The following INPP5B variants were observed in gnomAD, a reference collection of about 807,000 sequenced individuals.
INPP5B encodes the protein inositol polyphosphate-5-phosphatase B, also known as type II inositol 1,4,5-trisphosphate 5-phosphatase.
In INPP5B, 90 loss-of-function variants were observed where a neutral mutation model predicts 118.5. The ratio of observed to expected loss-of-function variants is 0.76; its 90% confidence interval spans 0.64 to 0.90. The LOEUF is 0.90. INPP5B is among the 40% of genes least tolerant of loss of function. The pLI is 0.00. For synonymous variants in INPP5B, 385 were observed against 418.9 expected, an observed-to-expected ratio of 0.92 and a Z score of 0.99; for missense variants, 984 against 1,125.6, an observed-to-expected ratio of 0.87 and a Z score of 1.80.
rs1427344681 is a variant in INPP5B at position 37,941,958 on chromosome 1, A to AAAT, written c.281-1161_281-1160insATT. On this transcript the variant is annotated intron_variant, in intron 5 of 23. Transcript: ENST00000373024. The stretch of plus-strand genomic sequence containing the variant: ...GTCTCAAAAAAAAAAAAAAAAAAAA[A>AAAT]ATATATATATATATATAAAATAAAA... 3.3e-4 allele frequency: 10 copies of AAAT among 30,384 alleles called. 1 individual carries two copies. The highest frequency in any genetic ancestry group is 1.4e-3 in the African/African-American group (9 of 6,646). The allele number at this position is 30,384 out of a possible 1,614,324, so 1.9% of individuals were successfully genotyped here. A position where few individuals can be genotyped will look rare whatever the true frequency, so the allele number is the denominator to read the frequency against.
At chr1:37,897,741 GATAATA>G (rs919279754) in intron 7 of INPP5B, among the ~76,000 whole-genome samples, 5 of 149,676 alleles carry the variant, frequency 3.3e-5, no homozygotes, top group Non-Finnish European at 7.4e-5. Context: ...TAAAAATAAT[GATAATA>G]ATAATAATAA....
intron 7 of INPP5B, among the ~76,000 whole-genome samples, chr1:37,925,376 C>G (rs957861090): frequency 6.6e-6 from 1 of 151,998 alleles, no homozygotes; most frequent in Non-Finnish European, 1.5e-5. Context: ...GTATGGATCA[C>G]CAATAACAAA....
rs375752081 is a variant in INPP5B, at chr1:37,878,343, C to T, written c.1542-20G>A. The T allele has an allele frequency of 8.7e-6, 14 of 1,613,188 alleles. No homozygotes were observed. In the African/African-American group the frequency reaches 1.7e-4, roughly 20 times the overall value. ...TTCTCACTGAAATGCAAAGTCCACA[C>T]TGGAAGTACTCACAGAAACAGCAGT... On this transcript the variant is annotated intron_variant, in intron 15 of 23. Coordinates refer to ENST00000373024, the MANE Select transcript of INPP5B (RefSeq NM_005540.3).
chr1:37,876,552 TAAA>T (rs34854182), intron 16 of INPP5B, among the ~76,000 whole-genome samples: 2 of 54,592 alleles, frequency 3.7e-5, no homozygotes, highest in African/African-American at 9.0e-5. Flanking sequence ...GCTGTCTCTT[TAAA>T]AAAAAAAAAA....
At chr1:37,908,318 T>G (rs1259846150) in intron 7 of INPP5B, among the ~76,000 whole-genome samples, 1 of 152,124 alleles carries the variant, frequency 6.6e-6, no homozygotes, top group African/African-American at 2.4e-5. Context: ...TCTCACCAAC[T>G]TCAAATTGGG....
At chr1:37,906,494 C>A (rs139623839) in intron 7 of INPP5B, among the ~76,000 whole-genome samples, 4 of 152,100 alleles carry the variant, frequency 2.6e-5, no homozygotes, top group African/African-American at 9.7e-5. Context: ...TAAAGCAAAT[C>A]GGTCTTACCA....
intron 18 of INPP5B, chr1:37,873,472 G>C (rs1379027764): frequency 2.6e-6 from 1 of 382,432 alleles, no homozygotes; most frequent in Admixed American, 4.4e-5. Context: ...GGATCAAAGA[G>C]CCTTCCCTGA....
Position 37,932,002 on chromosome 1 carries a change from C to A in INPP5B, c.443G>T (p.Arg148Met). The change falls in exon 7 of 24, where the codon AGG becomes ATG. Residue 148 changes from arginine to methionine, a missense_variant. Around this residue, in one of 2 missense-constraint regions of INPP5B, gnomAD observed 350 missense variants for 334.6 expected, o/e 1.05. Coordinates refer to ENST00000373024, the MANE Select transcript of INPP5B (RefSeq NM_005540.3). ...DPEFLWLSRY[R>M]CAELELEMPT... ...CATCTCCAGCTCCAGCTCTGCGCAC[C>A]TATACCGAGACAGCCACAGGAATTC... The A allele has an allele frequency of 6.2e-7, 1 of 1,610,444 alleles. No individual in the cohort carries two copies. The highest frequency in any genetic ancestry group is 8.5e-7 in the Non-Finnish European group (1 of 1,177,820).
At chr1:37,908,999 C>T (rs1369790181) in intron 7 of INPP5B, among the ~76,000 whole-genome samples, 2 of 152,172 alleles carry the variant, frequency 1.3e-5, no homozygotes, top group Admixed American at 1.3e-4. Context: ...AAAACCTAAG[C>T]GTCTTATTTT....
chr1:37,873,196 C>CG (rs1642574037), intron 18 of INPP5B, 31 bp from the exon 19 acceptor site: 1 of 1,508,614 alleles, frequency 6.6e-7, no homozygotes, highest in African/African-American at 1.4e-5. Context: ...TAATGTTGGC[C>CG]GGGGGCAGGC....
intron 16 of INPP5B, among the ~76,000 whole-genome samples, chr1:37,876,581 A>AG (rs1383335952): frequency 2.3e-4 from 30 of 133,292 alleles, no homozygotes; most frequent in Non-Finnish European, 4.1e-4. Flanking sequence ...AAAAAAAAAA[A>AG]GGGCCCGGTG....
chr1:37,902,746 T>A (rs749021556), intron 7 of INPP5B, among the ~76,000 whole-genome samples: 1 of 151,998 alleles, frequency 6.6e-6, no homozygotes, highest in Non-Finnish European at 1.5e-5. Context: ...TTAGTAGAGA[T>A]GGGATTTCTC....
At chr1:37,920,019 CAT>C (rs1645000890) in intron 7 of INPP5B, among the ~76,000 whole-genome samples, 1 of 152,196 alleles carries the variant, frequency 6.6e-6, no homozygotes, top group South Asian at 2.1e-4. Context: ...AATCACTTTA[CAT>C]ATATTTTATC....
intron 6 of INPP5B, among the ~76,000 whole-genome samples, chr1:37,937,830 T>C (rs1327655236): frequency 5.9e-5 from 9 of 151,798 alleles, no homozygotes. Flanking sequence ...TAGCCAGGCA[T>C]AGTGGCAGGT....
At chr1:37,943,445 G>A (rs1271733571) in intron 5 of INPP5B, among the ~76,000 whole-genome samples, 195 bp downstream of exon 5, 1 of 152,106 alleles carries the variant, frequency 6.6e-6, no homozygotes, top group Admixed American at 6.6e-5. Flanking sequence ...GTGTGTTATC[G>A]GGGGAGACGG....
chr1:37,900,306 G>A (rs1011943950), intron 7 of INPP5B, among the ~76,000 whole-genome samples: 3 of 150,786 alleles, frequency 2.0e-5, no homozygotes, highest in African/African-American at 7.3e-5. Context: ...CCAGGATGGA[G>A]TGCAATGGTG....
intron 14 of INPP5B, among the ~76,000 whole-genome samples, chr1:37,880,707 A>G (rs757223012): frequency 2.0e-5 from 3 of 151,834 alleles, no homozygotes; most frequent in Non-Finnish European, 4.4e-5. Flanking sequence ...TGCTGGGATT[A>G]CAGGCGTCAG....
chr1:37,945,656 C>T, intron 3 of INPP5B, 100 bp downstream of exon 3: 2 of 785,090 alleles, frequency 2.5e-6, no homozygotes, highest in Non-Finnish European at 4.3e-6. Flanking sequence ...TTCTAGGAGA[C>T]TCAGACCCTG....
At chr1:37,880,358 T>G (rs1253684736) in intron 14 of INPP5B, among the ~76,000 whole-genome samples, 164 bp from the exon 15 acceptor site, 2 of 152,196 alleles carry the variant, frequency 1.3e-5, no homozygotes, top group Non-Finnish European at 2.9e-5. Context: ...TCCTAGGAAG[T>G]GGACAAGCTG....
Sources: allele counts gnomAD v4.1 joint callset (sites outside exome capture counted in the v4.1 genomes callset), GRCh38; gene constraint gnomAD v4.1.1; regional missense constraint gnomAD v4.1.1; transcripts MANE v1.5; gene names NCBI Gene and HGNC (gene_info 2026-07-23, HGNC 2026-07-21).